Variants in SLC30A8 observed in about 807,000 individuals in gnomAD.
The protein encoded by SLC30A8 is proton-coupled zinc antiporter SLC30A8.
Under a neutral mutation model 36.9 loss-of-function variants are expected in SLC30A8, and 27 were observed. The observed-to-expected ratio is 0.73, with a 90% CI of 0.54 to 1.01. SLC30A8 has a LOEUF of 1.01. SLC30A8 is among the 50% of genes least tolerant of loss of function. SLC30A8 has a pLI of 0.00. For missense variants in SLC30A8, 439 were observed against 452.0 expected (o/e 0.97, Z 0.26); for synonymous variants, 164 against 172.4 (o/e 0.95, Z 0.38).
chr8:117,158,010 C>A (rs1563633668), intron 4 of SLC30A8, among the ~76,000 whole-genome samples, 166 bp downstream of exon 4: 1 of 152,124 alleles, frequency 6.6e-6, no homozygotes, highest in Non-Finnish European at 1.5e-5. Context: ...TTCGTTTAAG[C>A]TAAAGTGTTT....
At chr8:117,059,050 T>G (rs1290008669) in intron 2 of SLC30A8, among the ~76,000 whole-genome samples, 4 of 152,218 alleles carry the variant, frequency 2.6e-5, no homozygotes, top group Non-Finnish European at 5.9e-5. Context: ...CAGAACATTA[T>G]AAAGTTGGGG....
chr8:117,067,047 A>G (rs1818190155), intron 2 of SLC30A8, among the ~76,000 whole-genome samples: 1 of 152,132 alleles, frequency 6.6e-6, no homozygotes, highest in Non-Finnish European at 1.5e-5. Context: ...AGGGGAAGCA[A>G]ATACGTCCTT....
chr8:117,096,357 A>G (rs1819361958), intron 2 of SLC30A8, among the ~76,000 whole-genome samples: 1 of 152,122 alleles, frequency 6.6e-6, no homozygotes, highest in African/African-American at 2.4e-5. Flanking sequence ...TTTGCTTCCA[A>G]ATGATTGGAG....
chr8:116,955,409 T>G (rs1586322105), intron 1 of SLC30A8, among the ~76,000 whole-genome samples: 1 of 149,566 alleles, frequency 6.7e-6, no homozygotes, highest in Non-Finnish European at 1.5e-5. Context: ...AAGAAGAGAG[T>G]GGAATGCTGC....
intron 2 of SLC30A8, among the ~76,000 whole-genome samples, chr8:117,122,780 C>T (rs989569138): frequency 1.3e-5 from 2 of 151,938 alleles, no homozygotes; most frequent in Non-Finnish European, 2.9e-5. Context: ...AGAGCTTTGT[C>T]GTGTCTTTGG....
chr8:117,167,982 C>A (rs894260979), intron 6 of SLC30A8, among the ~76,000 whole-genome samples: 1 of 152,136 alleles, frequency 6.6e-6, no homozygotes, highest in Non-Finnish European at 1.5e-5. Context: ...TCACTCCTTA[C>A]ATAGCAGCAG....
intron 2 of SLC30A8, among the ~76,000 whole-genome samples, chr8:117,083,857 T>A (rs1204034186): frequency 6.6e-6 from 1 of 152,140 alleles, no homozygotes; most frequent in Non-Finnish European, 1.5e-5. Context: ...TAACCTATCC[T>A]GACTAATAAT....
intron 1 of SLC30A8, among the ~76,000 whole-genome samples, chr8:116,951,566 C>T (rs746665698): frequency 1.3e-5 from 2 of 151,940 alleles, no homozygotes; most frequent in East Asian, 3.9e-4. Context: ...CCACATGTAT[C>T]GTAATACCTT....
intron 2 of SLC30A8, among the ~76,000 whole-genome samples, chr8:117,119,841 C>A (rs577639026): frequency 6.6e-6 from 1 of 151,814 alleles, no homozygotes; most frequent in East Asian, 1.9e-4. Flanking sequence ...TATACACAGA[C>A]CATGAACTAT....
chr8:116,956,574 T>TA (rs1182443196), intron 1 of SLC30A8, among the ~76,000 whole-genome samples: 2 of 152,114 alleles, frequency 1.3e-5, no homozygotes, highest in South Asian at 2.1e-4. Flanking sequence ...AAAAGCATGT[T>TA]AAAAAAACAG....
intron 1 of SLC30A8, among the ~76,000 whole-genome samples, chr8:116,985,170 G>GA (rs376864539): frequency 2.7e-5 from 4 of 150,914 alleles, no homozygotes; most frequent in Non-Finnish European, 4.4e-5. Flanking sequence ...GGTCAAATTA[G>GA]AAAAAAAAAT....
chr8:117,041,425 C>T (rs1022131852), intron 2 of SLC30A8, among the ~76,000 whole-genome samples: 21 of 152,172 alleles, frequency 1.4e-4, no homozygotes, highest in Admixed American at 7.9e-4. Flanking sequence ...CGGTGGCTCA[C>T]GCCTGTAATC....
chr8:116,977,575 G>T (rs867317237), intron 1 of SLC30A8, among the ~76,000 whole-genome samples: 3 of 147,064 alleles, frequency 2.0e-5, no homozygotes, highest in African/African-American at 7.6e-5. Context: ...GCAGTGGTGC[G>T]ATCTCTGCTC....
intron 2 of SLC30A8, among the ~76,000 whole-genome samples, chr8:117,079,159 G>A (rs567210101): frequency 1.6e-4 from 24 of 151,938 alleles, no homozygotes; most frequent in South Asian, 2.1e-4. Flanking sequence ...TTGCAGGTGC[G>A]GGCCACCATG....
intron 1 of SLC30A8, among the ~76,000 whole-genome samples, chr8:117,142,039 G>A (rs1821676504): frequency 6.6e-6 from 1 of 152,122 alleles, no homozygotes; most frequent in African/African-American, 2.4e-5. Flanking sequence ...GTTCAACTGA[G>A]GTGGTGGGTT....
intron 2 of SLC30A8, among the ~76,000 whole-genome samples, chr8:117,117,619 G>A (rs1490623159): frequency 6.6e-6 from 1 of 151,928 alleles, no homozygotes; most frequent in Admixed American, 6.6e-5. Flanking sequence ...ATATTGTAAT[G>A]TTTTACACTG....
At chr8:117,027,049 G>GGT (rs2130733594) in intron 1 of SLC30A8, among the ~76,000 whole-genome samples, 1 of 152,266 alleles carries the variant, frequency 6.6e-6, no homozygotes, top group African/African-American at 2.4e-5. Flanking sequence ...CCATATAAAT[G>GGT]TGAGGCATTA....
chr8:116,986,619 G>T (rs1005502509), intron 1 of SLC30A8, among the ~76,000 whole-genome samples: 1 of 152,148 alleles, frequency 6.6e-6, no homozygotes, highest in African/African-American at 2.4e-5. Context: ...AGCTCATCTT[G>T]TATGGTGTTC....
At chr8:117,033,029 A>G (rs1007194263) in intron 1 of SLC30A8, among the ~76,000 whole-genome samples, 1 of 152,216 alleles carries the variant, frequency 6.6e-6, no homozygotes, top group Admixed American at 6.5e-5. Context: ...ACGTGAAGGA[A>G]GGGAGTGGAG....
Sources: allele counts gnomAD v4.1 joint callset (sites outside exome capture counted in the v4.1 genomes callset), GRCh38; gene constraint gnomAD v4.1.1; transcripts MANE v1.5; gene names NCBI Gene and HGNC (gene_info 2026-07-23, HGNC 2026-07-21).